The following BEND3 variants were observed in gnomAD, a reference collection of about 807,000 sequenced individuals.
BEND3 encodes the protein BEN domain-containing protein 3.
A neutral mutation model predicts 60.1 loss-of-function variants in BEND3; 13 were observed. The observed-to-expected ratio is 0.22, with a 90% CI of 0.14 to 0.34. The LOEUF is 0.34. Ranked by LOEUF, BEND3 falls within the 10% of genes least tolerant of loss-of-function variation. The probability of loss-of-function intolerance (pLI) is 1.00; values close to 1 mark genes in which losing one functional copy is unlikely to be tolerated. For missense variants in BEND3, 896 were observed against 1,138.1 expected (o/e 0.79, Z 3.06); for synonymous variants, 497 against 491.5 (o/e 1.01, Z -0.15).
At chr6:107,103,858 G>C (rs560931815) in intron 1 of BEND3, among the ~76,000 whole-genome samples, 1 of 151,094 alleles carries the variant, frequency 6.6e-6, no homozygotes, top group Admixed American at 6.6e-5. Context: ...TGAGGCAGGA[G>C]AATCGCTTGA....
At chr6:107,088,173 C>G (rs1409829758) in intron 3 of BEND3, among the ~76,000 whole-genome samples, 2 of 151,996 alleles carry the variant, frequency 1.3e-5, no homozygotes, top group Non-Finnish European at 2.9e-5. Context: ...TGCCACCACA[C>G]CCAGATAAAA....
intron 1 of BEND3, among the ~76,000 whole-genome samples, chr6:107,113,647 C>A (rs1317236937): frequency 2.0e-5 from 3 of 151,962 alleles, no homozygotes; most frequent in African/African-American, 7.3e-5. Flanking sequence ...GGGTTAGAGG[C>A]TGGGGATGTG....
chr6:107,069,130 G>A lies in BEND3; in HGVS notation c.2061C>T (p.Pro687=), dbSNP rs781803404. 1 of 1,612,718 alleles carries A rather than the reference G, an allele frequency of 6.2e-7. No individual in the cohort carries two copies. Among genetic ancestry groups the A allele is most frequent in the South Asian group, 1.1e-5 (1 of 91,042 alleles). ...TGCTGCTCCTCTCGGGGGGCAGTGG[G>A]GGCCCCTCAAACTCCTCCCGGAACC... ...PERFREEFEG[P]PLPPERSSKD... The change falls in exon 4 of 4, where the codon CCC becomes CCT. Residue 687 remains proline, a synonymous_variant. Transcript: ENST00000369042.
At position 107,100,047 on chromosome 6, in the gene BEND3, A is replaced by C. The variant is rs886331414; in HGVS notation, c.-11-751T>G. Among the ~76,000 whole-genome samples the C allele has an allele frequency of 7.9e-5, 12 of 151,930 alleles. No homozygotes were observed. In the South Asian group the frequency reaches 2.1e-3, roughly 26 times the overall value. ...GCCGCCACCCACAGCTAATTAAAAA[A>C]TTTTTTTGTAGAGATGCGGTTTCAC... On this transcript the variant is annotated intron_variant, in intron 1 of 3. Transcript: ENST00000369042.
Position 107,070,858 on chromosome 6 carries a change from C to T in BEND3, c.333G>A (p.Val111=). ...TGCAGGGCTCCTCCTCTCCAGGCCA[C>T]ACATTGCCCAGGCTCCTGCCCCTGC... is the stretch of plus-strand genomic sequence containing the variant. ...QAGRGRSLGN[V]WPGEEEPCND... Residue 111 remains valine (V), a synonymous_variant, in exon 4 of 4, where the codon GTG becomes GTA. Transcript: ENST00000369042. This position sits in a 1 kb window ranked among gnomAD's most constrained non-coding sequence, Gnocchi z 6.9. 6.2e-7 allele frequency: 1 copy of T among 1,613,960 alleles called. No individual in the cohort carries two copies. The highest frequency in any genetic ancestry group is 8.5e-7 in the Non-Finnish European group (1 of 1,180,030).
intron 3 of BEND3, among the ~76,000 whole-genome samples, chr6:107,079,860 T>G (rs1362506396): frequency 6.6e-6 from 1 of 152,080 alleles, no homozygotes; most frequent in Admixed American, 6.5e-5. Flanking sequence ...ATTTGTTGAG[T>G]AGCTACTGGT....
chr6:107,070,197 G>C lies in BEND3; in HGVS notation c.994C>G (p.Leu332Val). 6.2e-7 allele frequency: 1 copy of C among 1,612,718 alleles called. No homozygotes were observed. Among genetic ancestry groups the C allele is most frequent in the Non-Finnish European group, 8.5e-7 (1 of 1,179,862 alleles). ...CAGAAGCGGCTGAAGAAGTCGTTCA[G>C]CTGGGGCAGGCACTCGGCCTGCCAC... ...AVWQAECLPQ[L>V]NDFFSRFWAQ... is the part of the protein sequence containing the mutation. Residue 332 changes from leucine (L) to valine (V), a missense_variant, in exon 4 of 4, where the codon CTG becomes GTG. Transcript: ENST00000369042. This position sits in a 1 kb window ranked among gnomAD's most constrained non-coding sequence, Gnocchi z 6.9.
chr6:107,111,404 G>A (rs868986046), intron 1 of BEND3, among the ~76,000 whole-genome samples: 6 of 152,008 alleles, frequency 3.9e-5, no homozygotes, highest in Non-Finnish European at 8.8e-5. Flanking sequence ...CCAGTTACTC[G>A]GGAGGGTGAG....
chr6:107,109,065 T>G (rs1428924465), intron 1 of BEND3, among the ~76,000 whole-genome samples: 3 of 151,574 alleles, frequency 2.0e-5, no homozygotes, highest in Admixed American at 1.3e-4. Flanking sequence ...CTCAGCCTCC[T>G]AAGGTGCTGG....
chr6:107,066,551 G>C lies in BEND3; in HGVS notation c.*2153C>G, dbSNP rs1365898084. On this transcript the variant is annotated 3_prime_UTR_variant, in exon 4 of 4. Transcript: ENST00000369042. Reference sequence around the variant, plus strand: ...ATTTCTCTAACAGGGGTAGATGGGAGTTTCAAAAAAATTATTAATAAATGA... The same window carrying C: ...ATTTCTCTAACAGGGGTAGATGGGACTTTCAAAAAAATTATTAATAAATGA... The C allele has an allele frequency of 2.0e-5, 3 of 152,630 alleles. No homozygotes were observed. The highest frequency in any genetic ancestry group is 2.0e-4 in the Admixed American group (3 of 15,270). 9.5% of individuals were successfully genotyped at this position (152,630 alleles called of 1,614,324 possible).
At chr6:107,096,540 G>A (rs1168425213) in intron 3 of BEND3, among the ~76,000 whole-genome samples, 3 of 152,156 alleles carry the variant, frequency 2.0e-5, no homozygotes, top group Non-Finnish European at 4.4e-5. Flanking sequence ...TGAACAAGGA[G>A]ACAGAGGCTG....
rs781882710 is a variant in BEND3 at position 107,069,430 on chromosome 6, C to T, written c.1761G>A (p.Thr587=). ...LLVHLFPELF[T]HENLRKQYNC... ...TGTACTGCTTGCGCAGGTTCTCGTG[C>T]GTGAAGAGCTCGGGGAACAGGTGCA... Residue 587 remains threonine (T), a synonymous_variant, in exon 4 of 4, where the codon ACG becomes ACA. Coordinates refer to ENST00000369042, the MANE Select transcript of BEND3 (RefSeq NM_001367314.1). 7.8e-5 allele frequency: 126 copies of T among 1,612,470 alleles called. No individual in the cohort carries two copies. Among genetic ancestry groups the T allele is most frequent in the Middle Eastern group, 1.6e-4 (1 of 6,062 alleles).
At chr6:107,088,336 C>T (rs1330817485) in intron 3 of BEND3, among the ~76,000 whole-genome samples, 1 of 151,978 alleles carries the variant, frequency 6.6e-6, no homozygotes, top group Non-Finnish European at 1.5e-5. Context: ...TGTGGGATAA[C>T]TACAAAAGGT....
In BEND3 at chr6:107,094,389, A is replaced by AG. The variant is rs1382398181; in HGVS notation, c.240+4161dup. Among the ~76,000 whole-genome samples, 5 of 152,074 alleles carry AG rather than the reference A, an allele frequency of 3.3e-5. No individual in the cohort carries two copies. The South Asian group carries it at 6.2e-4, about 19-fold the overall frequency. On this transcript the variant is annotated intron_variant, in intron 3 of 3. Coordinates refer to ENST00000369042, the MANE Select transcript of BEND3 (RefSeq NM_001367314.1). The stretch of plus-strand genomic sequence containing the variant: ...TGTAATCCCAGCACTTTGGAGGCTG[A>AG]GGGGGGTGGATCACCTGAGGTTGGG...
At chr6:107,106,371 ATTCCAGCC>A (rs1362083894) in intron 1 of BEND3, among the ~76,000 whole-genome samples, 1 of 152,172 alleles carries the variant, frequency 6.6e-6, no homozygotes, top group Non-Finnish European at 1.5e-5. Context: ...TGAGAGCTTC[ATTCCAGCC>A]TTCCAAGGAA....
chr6:107,093,359 G>C (rs2115021207), intron 3 of BEND3, among the ~76,000 whole-genome samples: 1 of 152,188 alleles, frequency 6.6e-6, no homozygotes, highest in Non-Finnish European at 1.5e-5. Flanking sequence ...TACTCAGGAG[G>C]CTGAGGCAGG....
intron 3 of BEND3, among the ~76,000 whole-genome samples, chr6:107,097,474 G>A (rs575062669): frequency 1.3e-5 from 2 of 150,850 alleles, no homozygotes; most frequent in Non-Finnish European, 3.0e-5. Flanking sequence ...AAAAAACCCT[G>A]AATAAATAAA....
chr6:107,069,314 T>C lies in BEND3; in HGVS notation c.1877A>G (p.Lys626Arg), dbSNP rs782511095. 69 of 1,613,280 alleles carry C rather than the reference T, an allele frequency of 4.3e-5. No homozygotes were observed. Among genetic ancestry groups the C allele is most frequent in the Non-Finnish European group, 5.1e-5 (60 of 1,179,892 alleles). Residue 626 changes from lysine to arginine, a missense_variant, in exon 4 of 4, where the codon AAA (lysine) becomes AGA (arginine). Around this residue, in one of 4 missense-constraint regions of BEND3, gnomAD observed 846 missense variants for 1,036.7 expected, o/e 0.82. Transcript: ENST00000369042. Reference sequence around the variant, plus strand: ...CTCCAGGGTCCAGACGCGGTCGTTTTTGGCGCGTGGGTAGAGCAGCTGCAC... The same window carrying C: ...CTCCAGGGTCCAGACGCGGTCGTTTCTGGCGCGTGGGTAGAGCAGCTGCAC... ...HYVQLLYPRAKNDRVWTLEFV... is the reference protein window; with the variant it reads ...HYVQLLYPRARNDRVWTLEFV...
At chr6:107,099,419 C>T in intron 1 of BEND3, 123 bp from the exon 2 acceptor site, 2 of 778,392 alleles carry the variant, frequency 2.6e-6, no homozygotes, top group Admixed American at 5.0e-5. Flanking sequence ...CAGCACAGCA[C>T]TGTGGAAGCT....
Sources: allele counts gnomAD v4.1 joint callset (sites outside exome capture counted in the v4.1 genomes callset), GRCh38; gene constraint gnomAD v4.1.1; regional missense constraint gnomAD v4.1.1; non-coding constraint Gnocchi (gnomAD v3.1); transcripts MANE v1.5; gene names NCBI Gene and HGNC (gene_info 2026-07-23, HGNC 2026-07-21).